Variants in CEP43 observed in about 807,000 individuals in gnomAD.
The protein encoded by CEP43 is FGFR1 oncogene partner.
Under a neutral mutation model 52.6 loss-of-function variants are expected in CEP43, and 36 were observed. The observed-to-expected ratio is 0.68, with a 90% CI of 0.52 to 0.90. The LOEUF is 0.90. Among genes scored for constraint, CEP43 ranks in the 40% least tolerant of loss-of-function variants. The pLI, the probability that CEP43 is intolerant of heterozygous loss-of-function variation, is 0.00. For missense variants in CEP43, 506 were observed against 472.8 expected (o/e 1.07, Z -0.65); for synonymous variants, 192 against 172.4 (o/e 1.11, Z -0.89).
At chr6:167,025,079 A>C in intron 9 of CEP43, 185 bp downstream of exon 9, 1 of 525,438 alleles carries the variant, frequency 1.9e-6, no homozygotes, top group East Asian at 3.2e-5. Context: ...CCTATTTTAT[A>C]TGTTGTTTTG....
rs535716871 is a variant in CEP43, at chr6:167,003,962, A to G, written c.300+151A>G. On this transcript the variant is annotated intron_variant, in intron 4 of 12. Transcript: ENST00000366847. ...ATTATCTGTTTTTCTTAAAAGCCATATGAGCTTTCAGATAGCTGGCACCAG... is the reference window on the plus strand; with the variant it reads ...ATTATCTGTTTTTCTTAAAAGCCATGTGAGCTTTCAGATAGCTGGCACCAG... 1.1e-4 allele frequency: 67 copies of G among 628,020 alleles called. 1 individual carries two copies. The highest frequency in any genetic ancestry group is 8.3e-4 in the Admixed American group (27 of 32,610). The allele number at this position is 628,020 out of a possible 1,614,324, so 38.9% of individuals were successfully genotyped here.
chr6:167,001,280 A>G (rs1482940171), intron 2 of CEP43, among the ~76,000 whole-genome samples: 4 of 152,188 alleles, frequency 2.6e-5, no homozygotes, highest in African/African-American at 9.7e-5. Context: ...TATACTTTCA[A>G]GTCTTTAATT....
At chr6:167,009,459 A>C (rs1779930270) in intron 5 of CEP43, among the ~76,000 whole-genome samples, 1 of 136,930 alleles carries the variant, frequency 7.3e-6, no homozygotes, top group Admixed American at 7.9e-5. Flanking sequence ...GTGGTGAGCC[A>C]AGATTGCGCC....
chr6:167,042,030 G>C lies in CEP43; in HGVS notation c.*2052G>C. The C allele has an allele frequency of 1.8e-5, 10 of 560,320 alleles. No individual in the cohort carries two copies. Among genetic ancestry groups the C allele is most frequent in the Non-Finnish European group, 2.1e-5 (9 of 436,666 alleles). The allele number at this position is 560,320 out of a possible 1,614,324, so 34.7% of individuals were successfully genotyped here. A position where few individuals can be genotyped will look rare whatever the true frequency, so the allele number is the denominator to read the frequency against. On this transcript the variant is annotated 3_prime_UTR_variant, in exon 13 of 13. Transcript: ENST00000366847. Reference sequence around the variant, plus strand: ...GTAGAGATGGGGTTTCACCATGTTGGTCAGGCTGGTCTTGAACTCCTGACC... The same window carrying C: ...GTAGAGATGGGGTTTCACCATGTTGCTCAGGCTGGTCTTGAACTCCTGACC...
intron 9 of CEP43, 110 bp from the exon 10 acceptor site, chr6:167,026,437 A>G (rs1780357368): frequency 1.4e-6 from 1 of 713,238 alleles, no homozygotes; most frequent in African/African-American, 1.8e-5. Flanking sequence ...TTAGGTTATT[A>G]TGCTCCTGTC....
intron 2 of CEP43, among the ~76,000 whole-genome samples, chr6:167,001,481 A>G (rs1047418921): frequency 2.6e-5 from 4 of 151,984 alleles, no homozygotes; most frequent in Non-Finnish European, 4.4e-5. Flanking sequence ...TTTTTCCTGT[A>G]CACCTGACTG....
rs533395896 is a variant in CEP43, at chr6:167,015,523, G to A, written c.579+1956G>A. Among the ~76,000 whole-genome samples the A allele has an allele frequency of 3.2e-4, 48 of 152,342 alleles. 1 individual carries two copies. The South Asian group carries it at 7.0e-3, about 22-fold the overall frequency. ...AGATGGAGCCATCCGCATGGTAGGT[G>A]AGTGGCATCTCCCAAGGTATGCAAA... On this transcript the variant is annotated intron_variant, in intron 7 of 12. Coordinates refer to ENST00000366847, the MANE Select transcript of CEP43 (RefSeq NM_007045.4).
chr6:167,002,117 A>G (rs6456144), intron 2 of CEP43, among the ~76,000 whole-genome samples: 7,717 of 152,242 alleles, frequency 0.051, 669 homozygotes, highest in African/African-American at 0.18. Context: ...CAGCTGTGAA[A>G]TGATCATCAC....
intron 7 of CEP43, among the ~76,000 whole-genome samples, chr6:167,017,200 T>TTAG (rs975752004): frequency 6.6e-6 from 1 of 151,982 alleles, no homozygotes; most frequent in Admixed American, 6.6e-5. Flanking sequence ...TTTCACTGTG[T>TTAG]TAGCTAGGAT....
At chr6:167,032,828 T>A (rs896426657) in intron 11 of CEP43, among the ~76,000 whole-genome samples, 186 bp downstream of exon 11, 5 of 152,192 alleles carry the variant, frequency 3.3e-5, no homozygotes, top group African/African-American at 1.2e-4. Context: ...AGCATGTTTT[T>A]GATTTTACAT....
rs767958782 is a variant in CEP43, at chr6:167,022,418, G to C, written c.589G>C (p.Asp197His). The change falls in exon 8 of 13, where the codon GAT becomes CAT. Residue 197 changes from aspartate (D) to histidine (H), a missense_variant. Coordinates refer to ENST00000366847, the MANE Select transcript of CEP43 (RefSeq NM_007045.4). ...GQKAGDKKAN[D>H]EANQSDTSVS... ...TTCCCTCTCTTTCTAGAAGGCCAATGATGAGGCCAATCAGAGTGATACAAG... is the reference window on the plus strand; with the variant it reads ...TTCCCTCTCTTTCTAGAAGGCCAATCATGAGGCCAATCAGAGTGATACAAG... 4 of 1,612,180 alleles carry C rather than the reference G, an allele frequency of 2.5e-6. No individual in the cohort carries two copies. The highest frequency in any genetic ancestry group is 2.2e-5 in the South Asian group (2 of 90,996).
At chr6:167,026,350 T>C (rs1456566454) in intron 9 of CEP43, among the ~76,000 whole-genome samples, 197 bp from the exon 10 acceptor site, 1 of 152,132 alleles carries the variant, frequency 6.6e-6, no homozygotes, top group African/African-American at 2.4e-5. Flanking sequence ...GTGACAGTGA[T>C]GAGACTCCGT....
intron 5 of CEP43, among the ~76,000 whole-genome samples, chr6:167,008,376 A>G (rs1384128333): frequency 6.6e-6 from 1 of 152,166 alleles, no homozygotes; most frequent in Non-Finnish European, 1.5e-5. Flanking sequence ...TCAAAGTTGT[A>G]GTAGTGATCT....
chr6:167,007,921 G>T (rs1231189345), intron 5 of CEP43, among the ~76,000 whole-genome samples: 1 of 152,118 alleles, frequency 6.6e-6, no homozygotes, highest in Non-Finnish European at 1.5e-5. Context: ...TATCTGTCCA[G>T]GATCATTTCT....
chr6:167,017,277 G>A (rs977159244), intron 7 of CEP43, among the ~76,000 whole-genome samples: 7 of 152,140 alleles, frequency 4.6e-5, no homozygotes, highest in Non-Finnish European at 8.8e-5. Context: ...TTACAGGTGT[G>A]AGCCACCGCG....
intron 12 of CEP43, among the ~76,000 whole-genome samples, chr6:167,037,045 AT>A (rs1379552099): frequency 6.6e-6 from 1 of 152,106 alleles, no homozygotes; most frequent in Non-Finnish European, 1.5e-5. Flanking sequence ...GCCTCTTGTG[AT>A]CCCCCCGCCT....
chr6:167,013,588 G>A, intron 7 of CEP43, 21 bp downstream of exon 7: 2 of 1,610,786 alleles, frequency 1.2e-6, no homozygotes, highest in African/African-American at 1.3e-5. Context: ...TGAGGGCAGA[G>A]GAGAAAAGCA....
Position 167,047,214 on chromosome 6 carries a change from A to G in CEP43, c.*7236A>G, listed in dbSNP as rs1028168267. 3 of 152,392 alleles carry G rather than the reference A, an allele frequency of 2.0e-5. No homozygotes were observed. The East Asian group carries it at 5.8e-4, about 29-fold the overall frequency. 9.4% of individuals were successfully genotyped at this position (152,392 alleles called of 1,614,324 possible). ...GGTCTGCCCATGATTGGCAGCCTTCATAGAATCACGAGGGAGGAGCACAGG... is the reference window on the plus strand; with the variant it reads ...GGTCTGCCCATGATTGGCAGCCTTCGTAGAATCACGAGGGAGGAGCACAGG... On this transcript the variant is annotated 3_prime_UTR_variant, in exon 13 of 13. Transcript: ENST00000366847.
rs778524340 is a variant in CEP43, at chr6:167,033,956, C to A, written c.1110C>A (p.Ile370=). ...EEDLSVEIDD[I]NTSDKLDDLT... is the part of the protein sequence containing the mutation. ...ACCTTTCTGTGGAAATAGATGACAT[C>A]AATACCAGTGATAAGGTATGGTGTT... The change falls in exon 12 of 13, where the codon ATC becomes ATA. Residue 370 remains isoleucine, a synonymous_variant. Transcript: ENST00000366847. 29 of 1,535,438 alleles carry A rather than the reference C, an allele frequency of 1.9e-5. No individual in the cohort carries two copies. The East Asian group carries it at 4.8e-4, about 25-fold the overall frequency.
Sources: allele counts gnomAD v4.1 joint callset (sites outside exome capture counted in the v4.1 genomes callset), GRCh38; gene constraint gnomAD v4.1.1; transcripts MANE v1.5; gene names NCBI Gene and HGNC (gene_info 2026-07-23, HGNC 2026-07-21).